SAXO5: variants seen among roughly 807,000 people sequenced by gnomAD.
SAXO5 encodes the protein stabilizer of axonemal microtubules 5, also known as testis expressed 45.
At chr19:7,499,033 C>G in the SAXO5 span, 1 of 152,592 alleles carries the variant, frequency 6.6e-6, no homozygotes, top group Non-Finnish European at 1.5e-5. Context: ...CGTGGCAGGC[C>G]GGGCACAGTG....
chr19:7,498,170 T>TACACACAC, the SAXO5 span, among the ~76,000 whole-genome samples: 4,093 of 142,472 alleles, frequency 0.029, 162 homozygotes, highest in African/African-American at 0.095. Flanking sequence ...CACACACACA[T>TACACACAC]ACACACACAC....
the SAXO5 span, among the ~76,000 whole-genome samples, chr19:7,500,303 A>G: frequency 6.6e-6 from 1 of 150,852 alleles, no homozygotes; most frequent in African/African-American, 2.4e-5. Context: ...CACATGAAAG[A>G]TTTTTTTTTA....
the SAXO5 span, among the ~76,000 whole-genome samples, chr19:7,500,640 G>A: frequency 1.3e-5 from 2 of 152,252 alleles, no homozygotes; most frequent in South Asian, 2.1e-4. Context: ...TCTCGCTGGG[G>A]GAAGGCACAG....
At chr19:7,498,427 G>A in the SAXO5 span, among the ~76,000 whole-genome samples, 2 of 124,384 alleles carry the variant, frequency 1.6e-5, no homozygotes, top group African/African-American at 6.1e-5. Context: ...ACAGAGTTTC[G>A]CTCTTGTTGC....
chr19:7,500,845 C>G, the SAXO5 span: 2 of 1,526,804 alleles, frequency 1.3e-6, no homozygotes, highest in Non-Finnish European at 8.8e-7. Context: ...GCCCTCCTGC[C>G]GTGCTCGCGC....
chr19:7,500,692 A>G, the SAXO5 span: 4 of 827,034 alleles, frequency 4.8e-6, no homozygotes, highest in Non-Finnish European at 7.0e-6. Flanking sequence ...CCTCCAGCTC[A>G]GTGCTTGGCG....
At chr19:7,502,361 C>T in the SAXO5 span, among the ~76,000 whole-genome samples, 3 of 152,124 alleles carry the variant, frequency 2.0e-5, no homozygotes, top group Admixed American at 1.3e-4. Flanking sequence ...CCATCTGCCT[C>T]GACCTCCCAA....
At chr19:7,506,165 G>A in the SAXO5 span, 2 of 1,601,480 alleles carry the variant, frequency 1.2e-6, no homozygotes, top group South Asian at 1.1e-5. Context: ...GGGCACGGGC[G>A]GTGAGCGCTC....
chr19:7,498,393 CTTTTTTTTTTT>C, the SAXO5 span, among the ~76,000 whole-genome samples: 2 of 115,358 alleles, frequency 1.7e-5, no homozygotes, highest in Non-Finnish European at 1.7e-5. Context: ...GTATTTTTTT[CTTTTTTTTTTT>C]TTTTTTTTTG....
At chr19:7,498,007 C>T in the SAXO5 span, among the ~76,000 whole-genome samples, 1,755 of 151,658 alleles carry the variant, frequency 0.012, 38 homozygotes, top group African/African-American at 0.04. Context: ...AAAAATTGGC[C>T]GGGCGTGGTG....
chr19:7,501,875 G>GGA, the SAXO5 span, among the ~76,000 whole-genome samples: 5,589 of 145,614 alleles, frequency 0.038, 325 homozygotes, highest in African/African-American at 0.12. Flanking sequence ...GAGAGAGAGA[G>GGA]AGGAAGGAAG....
the SAXO5 span, chr19:7,506,480 C>T: frequency 2.3e-6 from 1 of 430,970 alleles, no homozygotes; most frequent in Non-Finnish European, 4.3e-6. Context: ...CTTCTGGACA[C>T]GGCCCTGCCC....
At chr19:7,497,734 T>A in the SAXO5 span, 1 of 152,186 alleles carries the variant, frequency 6.6e-6, no homozygotes, top group Admixed American at 6.5e-5. Context: ...CTGAGGCTCA[T>A]GGGAGCTTAA....
At chr19:7,504,093 T>TCTCTCTCTCTCC in the SAXO5 span, 138 of 1,498,642 alleles carry the variant, frequency 9.2e-5, 1 homozygote, top group Admixed American at 1.1e-3. Flanking sequence ...TCTCTCTCTC[T>TCTCTCTCTCTCC]CCCCCCATCC....
the SAXO5 span, among the ~76,000 whole-genome samples, chr19:7,498,170 TACACAC>T: frequency 2.2e-3 from 317 of 142,506 alleles, 3 homozygotes; most frequent in Middle Eastern, 3.6e-3. Flanking sequence ...CACACACACA[TACACAC>T]ACACACACAC....
At chr19:7,498,172 C>T in the SAXO5 span, among the ~76,000 whole-genome samples, 3 of 113,404 alleles carry the variant, frequency 2.6e-5, no homozygotes, top group African/African-American at 7.1e-5. Flanking sequence ...CACACACATA[C>T]ACACACACAC....
the SAXO5 span, chr19:7,505,503 TC>T: frequency 6.2e-7 from 1 of 1,614,008 alleles, no homozygotes. Flanking sequence ...CTGCACCTGT[TC>T]CGCTTCTGGC....
chr19:7,506,060 T>G, the SAXO5 span: 1 of 1,613,896 alleles, frequency 6.2e-7, no homozygotes, highest in Non-Finnish European at 8.5e-7. Flanking sequence ...CAAACGCTTC[T>G]TCAAGACCAC....
At chr19:7,500,857 C>A in the SAXO5 span, 1 of 1,543,086 alleles carries the variant, frequency 6.5e-7, no homozygotes. Context: ...TGCTCGCGCC[C>A]GTGCCCGATG....
Sources: allele counts gnomAD v4.1 joint callset (sites outside exome capture counted in the v4.1 genomes callset), GRCh38; gene constraint gnomAD v4.1.1; transcripts MANE v1.5; gene names NCBI Gene and HGNC (gene_info 2026-07-23, HGNC 2026-07-21).